The following LARP1 variants were observed in gnomAD, a reference collection of about 807,000 sequenced individuals.
LARP1 encodes la-related protein 1.
In LARP1, 36 loss-of-function variants were observed where a neutral mutation model predicts 122.7. That is an observed-to-expected ratio of 0.29 (90% CI 0.22 to 0.39). The LOEUF is 0.39. Ranked by LOEUF, LARP1 falls within the 10% of genes least tolerant of loss-of-function variation. The pLI, the probability that LARP1 is intolerant of heterozygous loss-of-function variation, is 1.00. For synonymous variants in LARP1, 539 were observed against 528.7 expected (o/e 1.02, Z -0.27); for missense variants, 1,040 against 1,403.6 (o/e 0.74, Z 4.14).
chr5:154,783,768 C>G (rs1561599766), intron 1 of LARP1, among the ~76,000 whole-genome samples: 1 of 152,180 alleles, frequency 6.6e-6, no homozygotes, highest in Non-Finnish European at 1.5e-5. Flanking sequence ...ATGCTCACTA[C>G]ATATTATTTA....
intron 3 of LARP1, 136 bp from the exon 4 acceptor site, chr5:154,792,486 C>A: frequency 1.3e-6 from 1 of 788,144 alleles, no homozygotes; most frequent in Non-Finnish European, 2.1e-6. Flanking sequence ...GTGAAAATGA[C>A]CTTAGAATAC....
At chr5:154,745,317 T>C (rs1753132616) in intron 1 of LARP1, among the ~76,000 whole-genome samples, 1 of 152,216 alleles carries the variant, frequency 6.6e-6, no homozygotes, top group African/African-American at 2.4e-5. Flanking sequence ...AGCCTCAGTG[T>C]CCTCATCTTT....
At chr5:154,726,654 T>C (rs1195191543) in intron 1 of LARP1, among the ~76,000 whole-genome samples, 1 of 152,196 alleles carries the variant, frequency 6.6e-6, no homozygotes, top group African/African-American at 2.4e-5. Context: ...AACAGCATAT[T>C]AACACAGCTG....
At chr5:154,735,545 T>TTTTATTTATTTA (rs201042247) in intron 1 of LARP1, among the ~76,000 whole-genome samples, 2,446 of 143,890 alleles carry the variant, frequency 0.017, 35 homozygotes, top group African/African-American at 0.037. Context: ...TTATTTTTAT[T>TTTTATTTATTTA]TTTATTTATT....
At chr5:154,799,542 C>T (rs768523325) in intron 8 of LARP1, 49 bp from the exon 9 acceptor site, 2 of 1,592,914 alleles carry the variant, frequency 1.3e-6, no homozygotes, top group South Asian at 1.1e-5. Flanking sequence ...CAAGATCTTT[C>T]TGTCCAAGAT....
intron 1 of LARP1, among the ~76,000 whole-genome samples, chr5:154,767,025 GCTGAGA>G (rs1224029007): frequency 2.6e-5 from 4 of 152,200 alleles, no homozygotes; most frequent in African/African-American, 7.2e-5. Context: ...TCAAAGTGAG[GCTGAGA>G]CTTGAAACTG....
Position 154,748,427 on chromosome 5 carries a change from C to G in LARP1, c.205+35297C>G, listed in dbSNP as rs112265850. On this transcript the variant is annotated intron_variant, in intron 1 of 18. Transcript: ENST00000336314. The stretch of plus-strand genomic sequence containing the variant: ...TGGTTACTTATGAATAAGGCATTCT[C>G]ATAAGTAACCATAACTGAGTAGAGA... 1.0e-3 allele frequency among the ~76,000 whole-genome samples: 152 copies of G among 152,220 alleles called. 1 individual carries two copies. Among genetic ancestry groups the G allele is most frequent in the African/African-American group, 3.6e-3 (148 of 41,538 alleles).
chr5:154,703,603 G>A (rs1687229618), intron 1 of LARP1, among the ~76,000 whole-genome samples: 1 of 152,114 alleles, frequency 6.6e-6, no homozygotes, highest in African/African-American at 2.4e-5. Flanking sequence ...GACAAAGTGA[G>A]ACCTTGTCTC....
At position 154,794,587 on chromosome 5, in the gene LARP1, G is replaced by A. The variant is rs111354637; in HGVS notation, c.1232+325G>A. Among the ~76,000 whole-genome samples the A allele has an allele frequency of 7.2e-3, 1,093 of 152,160 alleles. 16 individuals carry two copies. Among genetic ancestry groups the A allele is most frequent in the African/African-American group, 0.025 (1,044 of 41,494 alleles). ...TAACATTTATTGAATCCTTAGTATC[G>A]GCCAGGCTCAGTGTTTATTGTTGTA... On this transcript the variant is annotated intron_variant, in intron 7 of 18. Coordinates refer to ENST00000518297, the MANE Select transcript of LARP1 (RefSeq NM_033551.3).
intron 1 of LARP1, among the ~76,000 whole-genome samples, chr5:154,763,391 CAG>C (rs1188156756): frequency 6.6e-6 from 1 of 151,914 alleles, no homozygotes; most frequent in Non-Finnish European, 1.5e-5. Flanking sequence ...TCCCACTTCA[CAG>C]ATGAGGAAAG....
rs1270276874 is a variant in LARP1, at chr5:154,814,285, C to T, written c.*189C>T. The T allele has an allele frequency of 3.5e-6, 2 of 563,568 alleles. No homozygotes were observed. Among genetic ancestry groups the T allele is most frequent in the South Asian group, 2.5e-5 (1 of 39,302 alleles). The allele number at this position is 563,568 out of a possible 1,614,324, so 34.9% of individuals were successfully genotyped here. On this transcript the variant is annotated 3_prime_UTR_variant, in exon 19 of 19. Coordinates refer to ENST00000518297, the MANE Select transcript of LARP1 (RefSeq NM_033551.3). ...AGGTACCCCTGGGCAGGAGCCTCTA[C>T]ATCCCCTTCCCCCTCCTCTCTCCAT...
chr5:154,791,341 G>C lies in LARP1; in HGVS notation c.564+631G>C, dbSNP rs569026591. 7.2e-5 allele frequency among the ~76,000 whole-genome samples: 11 copies of C among 151,996 alleles called. No homozygotes were observed. The South Asian group carries it at 2.3e-3, about 32-fold the overall frequency. On this transcript the variant is annotated intron_variant, in intron 3 of 18. Transcript: ENST00000518297. ...TGATTCTCCCGCCTCAGCCTCCTGA[G>C]TAGCTGGGATTACAGGCACCCACCA...
chr5:154,709,598 ATTTTTTTTTTTT>A (rs60062105), upstream of LARP1, among the ~76,000 whole-genome samples: 38 of 81,364 alleles, frequency 4.7e-4, no homozygotes, highest in South Asian at 0.013. Context: ...CTCCAGTGAG[ATTTTTTTTTTTT>A]TTTTTTTTTT....
At chr5:154,745,347 TC>T (rs780855862) in intron 1 of LARP1, among the ~76,000 whole-genome samples, 3 of 152,220 alleles carry the variant, frequency 2.0e-5, no homozygotes, top group Non-Finnish European at 2.9e-5. Context: ...TGACACTTGT[TC>T]CACCTTCTTT....
chr5:154,688,768 G>T (rs1053450892), intron 1 of LARP1, among the ~76,000 whole-genome samples: 2 of 151,958 alleles, frequency 1.3e-5, no homozygotes, highest in Non-Finnish European at 2.9e-5. Flanking sequence ...TGAGGCTGCA[G>T]TGAGCCATGA....
chr5:154,685,950 G>T (rs1753922406), intron 1 of LARP1: 1 of 473,848 alleles, frequency 2.1e-6, no homozygotes, highest in East Asian at 5.9e-5. Context: ...ATCCTCCTTT[G>T]CCTGGATTAA....
chr5:154,693,997 G>A (rs1404025130), intron 1 of LARP1, among the ~76,000 whole-genome samples: 1 of 152,046 alleles, frequency 6.6e-6, no homozygotes, highest in South Asian at 2.1e-4. Context: ...CTTCAGTTAC[G>A]AAAAGTTCAG....
intron 1 of LARP1, among the ~76,000 whole-genome samples, chr5:154,714,373 A>G (rs1013462182): frequency 7.9e-5 from 12 of 152,162 alleles, no homozygotes; most frequent in African/African-American, 2.9e-4. Flanking sequence ...AAAAAATACC[A>G]TTTACTGGGA....
chr5:154,736,100 CT>C (rs1009971513), intron 1 of LARP1, among the ~76,000 whole-genome samples: 238 of 140,380 alleles, frequency 1.7e-3, no homozygotes, highest in Non-Finnish European at 1.6e-3. Flanking sequence ...TTTTAATTTT[CT>C]TTTTTTTTTT....
Sources: allele counts gnomAD v4.1 joint callset (sites outside exome capture counted in the v4.1 genomes callset), GRCh38; gene constraint gnomAD v4.1.1; transcripts MANE v1.5; gene names NCBI Gene and HGNC (gene_info 2026-07-23, HGNC 2026-07-21).